Variants in SENP5 observed in about 807,000 individuals in gnomAD.
SENP5 encodes SUMO specific peptidase 5.
In SENP5, 21 loss-of-function variants were observed where a neutral mutation model predicts 74.2. The ratio of observed to expected loss-of-function variants is 0.28; its 90% CI spans 0.20 to 0.41. The LOEUF (loss-of-function observed/expected upper bound fraction) is 0.41. Ranked by LOEUF, SENP5 falls within the 10% of genes least tolerant of loss-of-function variation. The pLI is 1.00. For synonymous variants in SENP5, 311 were observed against 312.7 expected (o/e 0.99, Z 0.06); for missense variants, 717 against 889.1 (o/e 0.81, Z 2.46).
At position 196,927,886 on chromosome 3, in the gene SENP5, A is replaced by G. The variant is rs200374850; in HGVS notation, c.2106+7A>G. On this transcript the variant is annotated splice_region_variant and intron_variant, in intron 8 of 9. Transcript: ENST00000323460. ...GCAGACTGCTGTTACGAAGGTAAGTATGTGATAACAATGAAACCCAGGCAT... is the reference window on the plus strand; with the variant it reads ...GCAGACTGCTGTTACGAAGGTAAGTGTGTGATAACAATGAAACCCAGGCAT... 8 of 1,584,580 alleles carry G rather than the reference A, an allele frequency of 5.0e-6. No individual in the cohort carries two copies. Among genetic ancestry groups the G allele is most frequent in the Non-Finnish European group, 6.1e-6 (7 of 1,153,334 alleles).
chr3:196,911,628 G>A (rs1715134752), intron 6 of SENP5, among the ~76,000 whole-genome samples: 1 of 151,926 alleles, frequency 6.6e-6, no homozygotes, highest in Non-Finnish European at 1.5e-5. Flanking sequence ...GGGCGCGGTG[G>A]CTCACGCCTG....
At chr3:196,908,671 A>G (rs143939289) in intron 6 of SENP5, among the ~76,000 whole-genome samples, 41 of 152,226 alleles carry the variant, frequency 2.7e-4, no homozygotes, top group African/African-American at 9.9e-4. Context: ...TAAAAATACA[A>G]AATTGGCTGG....
chr3:196,933,705 A>AT lies in SENP5; in HGVS notation c.*2784dup, dbSNP rs1161325748. 1 of 151,814 alleles carries AT rather than the reference A, an allele frequency of 6.6e-6. No individual in the cohort carries two copies. The highest frequency in any genetic ancestry group is 1.5e-5 in the Non-Finnish European group (1 of 68,088). The allele number at this position is 151,814 out of a possible 1,614,324, so 9.4% of individuals were successfully genotyped here. ...AACCCCTGCCTCCCAGGTTCAAGTG[A>AT]TTCTCCTGCCTCAGCTTCCCCAATA... On this transcript the variant is annotated 3_prime_UTR_variant, in exon 10 of 10. Coordinates refer to ENST00000323460, the MANE Select transcript of SENP5 (RefSeq NM_152699.5).
chr3:196,911,709 C>T (rs1715141071), intron 6 of SENP5, among the ~76,000 whole-genome samples: 1 of 152,082 alleles, frequency 6.6e-6, no homozygotes, highest in African/African-American at 2.4e-5. Flanking sequence ...ACTCGGGAGG[C>T]TGAGGCAGGA....
chr3:196,885,553 G>T lies in SENP5; in HGVS notation c.372G>T (p.Lys124Asn). ...CAGAGAAGCTGTTGTCATCAGCAAA[G>T]AATTCTGACCATGAATACTGCAGAG... The part of the protein sequence containing the change: ...LQAEKLLSSA[K>N]NSDHEYCREK... Residue 124 changes from lysine to asparagine, a missense_variant, in exon 2 of 10, where the codon AAG becomes AAT. Transcript: ENST00000323460. The T allele has an allele frequency of 1.2e-6, 2 of 1,614,148 alleles. No individual in the cohort carries two copies. Among genetic ancestry groups the T allele is most frequent in the South Asian group, 2.2e-5 (2 of 91,086 alleles).
intron 2 of SENP5, among the ~76,000 whole-genome samples, chr3:196,898,584 G>T (rs914659863): frequency 1.3e-5 from 2 of 151,874 alleles, no homozygotes; most frequent in Non-Finnish European, 2.9e-5. Flanking sequence ...GATAGAAAGA[G>T]ACCCCATCTC....
rs75478632 is a variant in SENP5, at chr3:196,894,622, C to T, written c.1514-5044C>T. ...AATACTGTTTATTGAGTGATTTGCT[C>T]TTTTCCCTGTGGTTCAGAAATGCAA... On this transcript the variant is annotated intron_variant, in intron 2 of 9. Coordinates refer to ENST00000323460, the MANE Select transcript of SENP5 (RefSeq NM_152699.5). Among the ~76,000 whole-genome samples, 188 of 151,334 alleles carry T rather than the reference C, an allele frequency of 1.2e-3. 7 individuals carry two copies. The East Asian group carries it at 0.031, about 25-fold the overall frequency.
chr3:196,883,232 C>T (rs1222203590), intron 1 of SENP5, among the ~76,000 whole-genome samples: 2 of 152,142 alleles, frequency 1.3e-5, no homozygotes, highest in Non-Finnish European at 2.9e-5. Flanking sequence ...TGGAGTCTAA[C>T]TGCTTCTTAA....
intron 1 of SENP5, among the ~76,000 whole-genome samples, chr3:196,874,138 C>CT (rs1252286628): frequency 3.3e-4 from 46 of 139,024 alleles, no homozygotes; most frequent in Non-Finnish European, 5.4e-4. Context: ...AGAATGAGAC[C>CT]TTTTTTTTTT....
At chr3:196,878,216 A>T (rs1022322763) in intron 1 of SENP5, among the ~76,000 whole-genome samples, 9 of 152,224 alleles carry the variant, frequency 5.9e-5, no homozygotes, top group Non-Finnish European at 1.0e-4. Context: ...AAGTCTCAAG[A>T]TTAGCTGTGT....
intron 1 of SENP5, among the ~76,000 whole-genome samples, chr3:196,881,028 C>T (rs956234414): frequency 6.6e-5 from 10 of 152,062 alleles, no homozygotes; most frequent in Non-Finnish European, 1.3e-4. Context: ...CTCACTGCAA[C>T]CACAAACTCC....
intron 6 of SENP5, among the ~76,000 whole-genome samples, chr3:196,908,024 CTT>C (rs1714976921): frequency 1.3e-5 from 2 of 152,174 alleles, no homozygotes; most frequent in African/African-American, 4.8e-5. Flanking sequence ...AGTCTGAACA[CTT>C]TGGGAGGCCT....
chr3:196,900,585 CTTCTTTTTG>C (rs1170026718), intron 5 of SENP5, among the ~76,000 whole-genome samples, 173 bp downstream of exon 5: 4 of 152,158 alleles, frequency 2.6e-5, no homozygotes, highest in South Asian at 2.1e-4. Flanking sequence ...CATCAAATCA[CTTCTTTTTG>C]TTCTTTTTGA....
chr3:196,930,488 GT>G (rs1400592977), intron 9 of SENP5, among the ~76,000 whole-genome samples: 1 of 152,174 alleles, frequency 6.6e-6, no homozygotes, highest in African/African-American at 2.4e-5. Context: ...TTAGATCGGG[GT>G]CCCAAACCCC....
At chr3:196,883,458 T>TATACCC (rs1713814805) in intron 1 of SENP5, among the ~76,000 whole-genome samples, 1 of 152,188 alleles carries the variant, frequency 6.6e-6, no homozygotes, top group South Asian at 2.1e-4. Context: ...ATCCTCCTGG[T>TATACCC]ATACCCCTGT....
chr3:196,888,068 T>A (rs6787241), intron 2 of SENP5, among the ~76,000 whole-genome samples: 1 of 151,632 alleles, frequency 6.6e-6, no homozygotes, highest in Admixed American at 6.6e-5. Flanking sequence ...CCACTGCGCC[T>A]GGCCTAAAGC....
At chr3:196,872,263 C>T (rs746535020) in intron 1 of SENP5, among the ~76,000 whole-genome samples, 2 of 152,206 alleles carry the variant, frequency 1.3e-5, no homozygotes, top group Non-Finnish European at 2.9e-5. Flanking sequence ...GAACATACAG[C>T]AGCATGGCTG....
chr3:196,885,056 CTTT>C (rs1010891289), intron 1 of SENP5, 92 bp from the exon 2 acceptor site: 1 of 687,952 alleles, frequency 1.5e-6, no homozygotes, highest in Non-Finnish European at 2.4e-6. Flanking sequence ...TATATGTACT[CTTT>C]TTTTTTCTCA....
At chr3:196,908,115 T>TAAATTTTAA (rs1714981271) in intron 6 of SENP5, among the ~76,000 whole-genome samples, 1 of 152,038 alleles carries the variant, frequency 6.6e-6, no homozygotes, top group African/African-American at 2.4e-5. Flanking sequence ...ACCCCGTTTC[T>TAAATTTTAA]ATAAAAAATT....
Sources: allele counts gnomAD v4.1 joint callset (sites outside exome capture counted in the v4.1 genomes callset), GRCh38; gene constraint gnomAD v4.1.1; transcripts MANE v1.5; gene names NCBI Gene and HGNC (gene_info 2026-07-23, HGNC 2026-07-21).